SYDE2: variants seen among roughly 807,000 people sequenced by gnomAD.
The protein encoded by SYDE2 is rho GTPase-activating protein SYDE2.
In SYDE2, 76 loss-of-function variants were observed where a neutral mutation model predicts 91.5. The ratio of observed to expected loss-of-function variants is 0.83; its 90% CI spans 0.69 to 1.01. SYDE2 has a LOEUF of 1.01. Among genes scored for constraint, SYDE2 ranks in the 50% least tolerant of loss-of-function variants. SYDE2 has a pLI of 0.00. For synonymous variants in SYDE2, 513 were observed against 506.4 expected, an observed-to-expected ratio of 1.01 and a Z score of -0.18; for missense variants, 1,364 against 1,367.7, an observed-to-expected ratio of 1.00 and a Z score of 0.04.
chr1:85,200,367 A>G lies in SYDE2; in HGVS notation c.630T>C (p.Arg210=). 1.2e-6 allele frequency: 2 copies of G among 1,614,024 alleles called. No homozygotes were observed. The highest frequency in any genetic ancestry group is 1.7e-6 in the Non-Finnish European group (2 of 1,179,896). The change falls in exon 1 of 7, where the codon CGT becomes CGC. Residue 210 remains arginine, a synonymous_variant. Transcript: ENST00000341460. ...TTCCTGTGACTTTGGGAGCCGTCCC[A>G]CGGGCACGACCCTTCATTCCCAGGG... is the stretch of plus-strand genomic sequence containing the variant. ...LLSLGMKGRA[R]GTAPKVTGTQ...
rs184736265 is a variant in SYDE2 at position 85,162,034 on chromosome 1, A to T, written c.3085+2492T>A. Among the ~76,000 whole-genome samples the T allele has an allele frequency of 1.2e-3, 181 of 152,336 alleles. 4 individuals are homozygous for T. The highest frequency in any genetic ancestry group is 0.01 in the Admixed American group (160 of 15,304). On this transcript the variant is annotated intron_variant, in intron 6 of 6. Coordinates refer to ENST00000341460, the MANE Select transcript of SYDE2 (RefSeq NM_032184.2). ...AGCTTAGTAGAAGACAATCTAAAAA[A>T]GTATTGGCAGGACGACTTTTACCTT...
chr1:85,197,414 T>C (rs1044386635), intron 1 of SYDE2, among the ~76,000 whole-genome samples: 4 of 152,294 alleles, frequency 2.6e-5, no homozygotes, highest in African/African-American at 9.6e-5. Context: ...ATTCTAAATG[T>C]AATTTTGACA....
chr1:85,200,681 T>G lies in SYDE2; in HGVS notation c.316A>C (p.Ser106Arg). 1 of 1,537,296 alleles carries G rather than the reference T, an allele frequency of 6.5e-7. No individual in the cohort carries two copies. Among genetic ancestry groups the G allele is most frequent in the South Asian group, 1.2e-5 (1 of 84,296 alleles). ...PPPFQRWPSDSWIRCGAHRDW... is the reference protein window; with the variant it reads ...PPPFQRWPSDRWIRCGAHRDW... ...CGGTGCGCGCCGCACCTGATCCAGC[T>G]GTCGCTCGGCCACCGCTGGAAGGGA... Residue 106 changes from serine (S) to arginine (R), a missense_variant, in exon 1 of 7, where the codon AGC becomes CGC. By Grantham distance (110) the Ser-to-Arg change is moderately radical. Coordinates refer to ENST00000341460, the MANE Select transcript of SYDE2 (RefSeq NM_032184.2).
rs1656953555 is a variant in SYDE2 at position 85,158,751 on chromosome 1, C to G, written c.3584G>C (p.Ter1195SerextTer2). 1.4e-6 allele frequency: 1 copy of G among 724,340 alleles called. No individual in the cohort carries two copies. Among genetic ancestry groups the G allele is most frequent in the Admixed American group, 2.3e-5 (1 of 43,060 alleles). 44.9% of individuals were successfully genotyped at this position (724,340 alleles called of 1,614,324 possible). ...CATTACAAAAAAAAACCCTCAATCTCAAAAACTCATATTAAGCTTGTTTTT... is the reference window on the plus strand; with the variant it reads ...CATTACAAAAAAAAACCCTCAATCTGAAAAACTCATATTAAGCTTGTTTTT... ...LNKNKLNMSF[*>S] is the part of the protein sequence containing the mutation. Residue 1195 changes from the stop codon to serine (S), a stop_lost, in exon 7 of 7, where the codon TGA (stop) becomes TCA (serine). Transcript: ENST00000341460.
intron 2 of SYDE2, among the ~76,000 whole-genome samples, chr1:85,186,868 G>A (rs1658161253): frequency 6.6e-6 from 1 of 152,190 alleles, no homozygotes; most frequent in African/African-American, 2.4e-5. Flanking sequence ...ATTAATTCAA[G>A]ATGGATTAAA....
At chr1:85,169,298 A>T in intron 4 of SYDE2, 73 bp from the exon 5 acceptor site, 16 of 1,229,586 alleles carry the variant, frequency 1.3e-5, no homozygotes, top group Non-Finnish European at 1.8e-5. Context: ...TCAATTTTTT[A>T]AAATTTAAGT....
chr1:85,199,789 T>C (rs1396495495), intron 1 of SYDE2, among the ~76,000 whole-genome samples: 3 of 150,270 alleles, frequency 2.0e-5, no homozygotes, highest in Non-Finnish European at 4.4e-5. Flanking sequence ...AAAAAAAAAG[T>C]TGTAATGAGT....
downstream of SYDE2, among the ~76,000 whole-genome samples, chr1:85,155,032 A>AAAAAAAAAAAAAG (rs1656847596): frequency 6.7e-6 from 1 of 148,362 alleles, no homozygotes; most frequent in African/African-American, 2.5e-5. Context: ...AAAAGAAAAG[A>AAAAAAAAAAAAAG]AAAAGAAAAA....
At chr1:85,168,372 T>TA (rs1657373256) in intron 5 of SYDE2, among the ~76,000 whole-genome samples, 1 of 152,150 alleles carries the variant, frequency 6.6e-6, no homozygotes, top group Non-Finnish European at 1.5e-5. Flanking sequence ...CCCAACATGA[T>TA]AAAAAATGTA....
intron 2 of SYDE2, among the ~76,000 whole-genome samples, chr1:85,185,032 G>A (rs140472007): frequency 2.6e-3 from 392 of 151,606 alleles, no homozygotes; most frequent in Non-Finnish European, 3.8e-3. Context: ...ACAGCTTTCT[G>A]CCAATACTGC....
chr1:85,160,716 G>A, intron 6 of SYDE2: 1 of 985,158 alleles, frequency 1.0e-6, no homozygotes, highest in Non-Finnish European at 1.2e-6. Context: ...CATGCCTGTT[G>A]TTTTCACCAA....
downstream of SYDE2, among the ~76,000 whole-genome samples, chr1:85,155,023 A>AG (rs1343286052): frequency 1.4e-5 from 2 of 145,954 alleles, no homozygotes; most frequent in Admixed American, 1.4e-4. Flanking sequence ...AAAAAAAAAA[A>AG]AAGAAAAGAA....
intron 4 of SYDE2, among the ~76,000 whole-genome samples, chr1:85,170,114 C>CTTTTTTT: frequency 7.6e-6 from 1 of 131,270 alleles, no homozygotes; most frequent in African/African-American, 2.9e-5. Context: ...CTTCCCATCT[C>CTTTTTTT]TTTTTTTTTT....
chr1:85,164,685 G>A lies in SYDE2; in HGVS notation c.2926C>T (p.Gln976Ter), dbSNP rs1657200225. Residue 976 changes from glutamine (Q) to a stop codon, truncating the protein, a stop_gained, in exon 6 of 7, where the codon CAG becomes TAG. Transcript: ENST00000341460. LOFTEE classifies it high-confidence loss of function. Reference protein sequence around the residue: ...SYHEVNKMTCQNLAVCFGPVL... With the variant: ...SYHEVNKMTC Reference sequence around the variant, plus strand: ...GGTCCAAAGCACACAGCCAAATTCTGGCACGTCATCTTATTCACTTCATGA... The same window carrying A: ...GGTCCAAAGCACACAGCCAAATTCTAGCACGTCATCTTATTCACTTCATGA... 1 of 1,536,198 alleles carries A rather than the reference G, an allele frequency of 6.5e-7. No individual in the cohort carries two copies. The highest frequency in any genetic ancestry group is 1.4e-5 in the African/African-American group (1 of 72,492).
intron 1 of SYDE2, among the ~76,000 whole-genome samples, chr1:85,193,802 T>C (rs1393916499): frequency 2.0e-5 from 3 of 152,092 alleles, no homozygotes; most frequent in Admixed American, 6.6e-5. Context: ...TTCTTTTTTT[T>C]CTTTTGGTAG....
intron 4 of SYDE2, among the ~76,000 whole-genome samples, chr1:85,177,636 C>T (rs960545628): frequency 1.2e-4 from 18 of 152,124 alleles, no homozygotes; most frequent in African/African-American, 3.4e-4. Context: ...GCCTGGACTA[C>T]GGCCAAGGCT....
At chr1:85,186,844 T>C (rs1294978997) in intron 2 of SYDE2, among the ~76,000 whole-genome samples, 10 of 152,168 alleles carry the variant, frequency 6.6e-5, no homozygotes, top group Admixed American at 2.6e-4. Flanking sequence ...CCCTTCCTTA[T>C]ACCTTCTACA....
At position 85,190,952 on chromosome 1, in the gene SYDE2, AC is replaced by A. The variant is rs764322229; in HGVS notation, c.746-201del. On this transcript the variant is annotated intron_variant, in intron 1 of 6. Coordinates refer to ENST00000341460, the MANE Select transcript of SYDE2 (RefSeq NM_032184.2). ...ATTATTTAGAAATCAAACTGCTAGT[AC>A]AAGTGTCAAAGAATTCTAAGAAAAA... 3.9e-4 allele frequency among the ~76,000 whole-genome samples: 59 copies of A among 152,194 alleles called. 1 individual carries two copies. Among genetic ancestry groups the A allele is most frequent in the Non-Finnish European group, 7.6e-4 (52 of 68,024 alleles).
At chr1:85,195,272 A>T (rs922387585) in intron 1 of SYDE2, among the ~76,000 whole-genome samples, 2 of 152,282 alleles carry the variant, frequency 1.3e-5, no homozygotes, top group African/African-American at 2.4e-5. Flanking sequence ...TCCCAAATAA[A>T]AGTATCTTAT....
Sources: gnomAD v4.1 joint callset for allele counts (sites outside exome capture counted in the v4.1 genomes callset) on GRCh38, gnomAD v4.1.1 for gene constraint, MANE v1.5 for transcripts, NCBI Gene and HGNC (gene_info 2026-07-23, HGNC 2026-07-21) for gene names.